The following SH3GL2 variants were observed in gnomAD, a reference collection of about 807,000 sequenced individuals.
SH3GL2 encodes the protein SH3 domain containing GRB2 like 2, endophilin A1.
A neutral mutation model predicts 46.0 loss-of-function variants in SH3GL2; 24 were observed. That is an observed-to-expected ratio of 0.52 (90% CI 0.38 to 0.73). The LOEUF (loss-of-function observed/expected upper bound fraction) is 0.73, where lower values mean the gene tolerates loss of function less well. Ranked by LOEUF, SH3GL2 falls within the 30% of genes least tolerant of loss-of-function variation. SH3GL2 has a pLI of 0.00. For missense variants in SH3GL2, 413 were observed against 424.2 expected (o/e 0.97, Z 0.23); for synonymous variants, 196 against 147.1 (o/e 1.33, Z -2.40).
At chr9:17,606,969 CAG>C (rs1818771059) in intron 1 of SH3GL2, among the ~76,000 whole-genome samples, 3 of 152,228 alleles carry the variant, frequency 2.0e-5, no homozygotes, top group Admixed American at 2.0e-4. Flanking sequence ...TGTAAACACA[CAG>C]TGATTCAGAG....
intron 1 of SH3GL2, among the ~76,000 whole-genome samples, chr9:17,679,922 G>A (rs1263483172): frequency 6.6e-6 from 1 of 152,236 alleles, no homozygotes; most frequent in South Asian, 2.1e-4. Context: ...TTTATATGCT[G>A]GATTACGTTT....
chr9:17,591,590 G>C (rs1818482320), intron 1 of SH3GL2, among the ~76,000 whole-genome samples: 1 of 152,182 alleles, frequency 6.6e-6, no homozygotes, highest in African/African-American at 2.4e-5. Context: ...CCTATATACA[G>C]AGTGTTTGTA....
At chr9:17,616,972 T>A (rs1313700807) in intron 1 of SH3GL2, among the ~76,000 whole-genome samples, 2 of 152,222 alleles carry the variant, frequency 1.3e-5, no homozygotes, top group Admixed American at 1.3e-4. Context: ...TACCATGTTT[T>A]CCTAAAGACA....
At chr9:17,738,641 T>TATATAGAGAGAGAGAGAGAGAGAG (rs376280314) in intron 1 of SH3GL2, among the ~76,000 whole-genome samples, 1 of 88,898 alleles carries the variant, frequency 1.1e-5, no homozygotes, top group Non-Finnish European at 2.3e-5. Flanking sequence ...TATATATATA[T>TATATAGAGAGAGAGAGAGAGAGAG]AGAGAGAGAG....
chr9:17,631,020 A>G (rs891398656), intron 1 of SH3GL2, among the ~76,000 whole-genome samples: 1 of 152,190 alleles, frequency 6.6e-6, no homozygotes, highest in African/African-American at 2.4e-5. Context: ...TAGATTTAAT[A>G]TGTGATGTTT....
chr9:17,612,715 A>G (rs1296831984), intron 1 of SH3GL2, among the ~76,000 whole-genome samples: 1 of 152,176 alleles, frequency 6.6e-6, no homozygotes, highest in African/African-American at 2.4e-5. Context: ...TACTGTTTAA[A>G]CCACTTATTG....
chr9:17,785,797 T>G (rs989055907), intron 3 of SH3GL2, among the ~76,000 whole-genome samples: 2 of 152,178 alleles, frequency 1.3e-5, no homozygotes, highest in African/African-American at 4.8e-5. Context: ...ATTAAGTCTT[T>G]TAAATGAACA....
At position 17,695,231 on chromosome 9, in the gene SH3GL2, G is replaced by A. The variant is rs536844269; in HGVS notation, c.46-51835G>A. Among the ~76,000 whole-genome samples, 4 of 152,180 alleles carry A rather than the reference G, an allele frequency of 2.6e-5. No individual in the cohort carries two copies. The South Asian group carries it at 8.3e-4, about 32-fold the overall frequency. On this transcript the variant is annotated intron_variant, in intron 1 of 8. Transcript: ENST00000380607. ...AGCATAAGATGAAATATCTTATCAA[G>A]ATATTTTCATTTTCTCAAAGTGAAA...
intron 1 of SH3GL2, among the ~76,000 whole-genome samples, chr9:17,598,120 A>G (rs1818607600): frequency 6.6e-6 from 1 of 152,192 alleles, no homozygotes; most frequent in Non-Finnish European, 1.5e-5. Context: ...GAGAGAGGCC[A>G]TGTTCTTTTC....
chr9:17,657,035 C>T (rs949317815), intron 1 of SH3GL2, among the ~76,000 whole-genome samples: 9 of 152,192 alleles, frequency 5.9e-5, no homozygotes, highest in African/African-American at 1.9e-4. Flanking sequence ...CATAAAAATT[C>T]TTAAATTACC....
At chr9:17,643,302 G>T (rs185835007) in intron 1 of SH3GL2, among the ~76,000 whole-genome samples, 1 of 152,302 alleles carries the variant, frequency 6.6e-6, no homozygotes, top group East Asian at 1.9e-4. Context: ...AGACGATGGG[G>T]TTTTCTAAAT....
intron 1 of SH3GL2, among the ~76,000 whole-genome samples, chr9:17,684,891 C>T (rs909252343): frequency 3.3e-5 from 5 of 152,084 alleles, no homozygotes; most frequent in Non-Finnish European, 7.4e-5. Context: ...CATTTCACTG[C>T]CAACATTTAA....
intron 1 of SH3GL2, among the ~76,000 whole-genome samples, chr9:17,698,229 C>T (rs1044140710): frequency 1.3e-5 from 2 of 152,182 alleles, no homozygotes; most frequent in Admixed American, 6.5e-5. Flanking sequence ...ATCTTAAGGC[C>T]TCCAGGCTTC....
intron 1 of SH3GL2, among the ~76,000 whole-genome samples, chr9:17,708,318 T>C (rs3808694): frequency 0.12 from 17,856 of 151,948 alleles, 1,263 homozygotes; most frequent in East Asian, 0.21. Flanking sequence ...ATTTTGTTTC[T>C]GCTTAAATGA....
At chr9:17,686,702 C>T (rs899900244) in intron 1 of SH3GL2, among the ~76,000 whole-genome samples, 10 of 144,028 alleles carry the variant, frequency 6.9e-5, no homozygotes, top group Non-Finnish European at 1.2e-4. Flanking sequence ...AAAAACCAAA[C>T]ACCGCATATT....
intron 8 of SH3GL2, 79 bp from the exon 9 acceptor site, chr9:17,795,465 A>G (rs1228055289): frequency 8.9e-7 from 1 of 1,125,992 alleles, no homozygotes; most frequent in African/African-American, 1.5e-5. Context: ...CCAGGTGGGT[A>G]CAGCAGGCAG....
chr9:17,624,677 T>C (rs1819239657), intron 1 of SH3GL2, among the ~76,000 whole-genome samples: 1 of 152,186 alleles, frequency 6.6e-6, no homozygotes, highest in Non-Finnish European at 1.5e-5. Flanking sequence ...CATGTTCCCA[T>C]CACTTACTTT....
At chr9:17,769,554 C>A (rs1274145607) in intron 3 of SH3GL2, among the ~76,000 whole-genome samples, 6 of 152,032 alleles carry the variant, frequency 3.9e-5, no homozygotes, top group Non-Finnish European at 8.8e-5. Flanking sequence ...TTTCTTCTGC[C>A]TGGAACACTC....
chr9:17,764,231 A>G (rs554863172), intron 3 of SH3GL2, among the ~76,000 whole-genome samples: 2 of 152,330 alleles, frequency 1.3e-5, no homozygotes, highest in East Asian at 1.9e-4. Flanking sequence ...AGTCCAGAAC[A>G]AAACGAAAAT....
Sources: allele counts gnomAD v4.1 joint callset (sites outside exome capture counted in the v4.1 genomes callset), GRCh38; gene constraint gnomAD v4.1.1; transcripts MANE v1.5; gene names NCBI Gene and HGNC (gene_info 2026-07-23, HGNC 2026-07-21).